The following GPC6 variants were observed in gnomAD, a reference collection of about 807,000 sequenced individuals.
GPC6 encodes the protein glypican-6.
In GPC6, 14 loss-of-function variants were observed where a neutral mutation model predicts 55.2. The ratio of observed to expected loss-of-function variants is 0.25; its 90% CI spans 0.17 to 0.40. The LOEUF is 0.40. GPC6 is among the 10% of genes least tolerant of loss of function. The probability of loss-of-function intolerance (pLI) is 1.00; values close to 1 mark genes in which losing one functional copy is unlikely to be tolerated. For missense variants in GPC6, 641 were observed against 708.5 expected (o/e 0.90, Z 1.08); for synonymous variants, 278 against 259.6 (o/e 1.07, Z -0.68).
intron 4 of GPC6, among the ~76,000 whole-genome samples, chr13:94,244,254 A>G (rs1891135586): frequency 6.6e-6 from 1 of 152,166 alleles, no homozygotes; most frequent in Admixed American, 6.6e-5. Context: ...TGGGGCCAGC[A>G]CGTAACTCCG....
intron 1 of GPC6, among the ~76,000 whole-genome samples, chr13:93,435,351 A>G (rs961427140): frequency 6.6e-6 from 1 of 152,016 alleles, no homozygotes; most frequent in Admixed American, 6.6e-5. Flanking sequence ...CCTGGCTTCA[A>G]GAGATCTTCC....
chr13:93,654,340 A>C (rs1243108448), intron 2 of GPC6, among the ~76,000 whole-genome samples: 1 of 151,078 alleles, frequency 6.6e-6, no homozygotes, highest in African/African-American at 2.4e-5. Context: ...TATTATTACT[A>C]TTTTTGAGAC....
intron 5 of GPC6, among the ~76,000 whole-genome samples, chr13:94,305,166 A>G (rs1221236154): frequency 6.6e-6 from 1 of 152,188 alleles, no homozygotes; most frequent in Non-Finnish European, 1.5e-5. Flanking sequence ...TATTGTAGTT[A>G]TGTTCTATAA....
chr13:93,676,168 T>TAC (rs757719039), intron 2 of GPC6, among the ~76,000 whole-genome samples: 82 of 39,312 alleles, frequency 2.1e-3, no homozygotes, highest in African/African-American at 6.6e-3. Context: ...TATATATATA[T>TAC]ACATACACAC....
chr13:93,472,606 C>T (rs1476706583), intron 1 of GPC6, among the ~76,000 whole-genome samples: 1 of 152,176 alleles, frequency 6.6e-6, no homozygotes, highest in East Asian at 1.9e-4. Flanking sequence ...CTGCAGGGCC[C>T]CAAAGAGGGA....
At chr13:94,160,423 C>A (rs1888117697) in intron 4 of GPC6, among the ~76,000 whole-genome samples, 1 of 152,182 alleles carries the variant, frequency 6.6e-6, no homozygotes, top group Non-Finnish European at 1.5e-5. Context: ...TTTACAAGCA[C>A]CAGGGCCAGC....
chr13:93,266,868 A>G (rs1877342128), intron 1 of GPC6, among the ~76,000 whole-genome samples: 2 of 152,194 alleles, frequency 1.3e-5, no homozygotes, highest in African/African-American at 4.8e-5. Flanking sequence ...GTAAAATGTG[A>G]TTTATTATTC....
At chr13:93,899,024 A>T (rs1488852990) in intron 3 of GPC6, among the ~76,000 whole-genome samples, 2 of 150,120 alleles carry the variant, frequency 1.3e-5, no homozygotes, top group African/African-American at 4.9e-5. Flanking sequence ...AATCTCCAAT[A>T]CCCATCTTCT....
At chr13:94,119,445 G>A (rs924963855) in intron 4 of GPC6, among the ~76,000 whole-genome samples, 4 of 151,930 alleles carry the variant, frequency 2.6e-5, no homozygotes, top group African/African-American at 9.7e-5. Context: ...ACTGAAGGCG[G>A]TGAAGGAGCA....
chr13:93,790,959 T>G (rs895817494), intron 2 of GPC6, among the ~76,000 whole-genome samples: 2 of 152,202 alleles, frequency 1.3e-5, no homozygotes, highest in Admixed American at 1.3e-4. Flanking sequence ...TAAAATACTT[T>G]AACTGAATCA....
At chr13:93,296,195 G>GAGTC (rs2139087442) in intron 1 of GPC6, among the ~76,000 whole-genome samples, 1 of 152,282 alleles carries the variant, frequency 6.6e-6, no homozygotes, top group South Asian at 2.1e-4. Flanking sequence ...AGGAGCCTGA[G>GAGTC]AGTCCTATTT....
chr13:93,341,148 T>G (rs562233110), intron 1 of GPC6, among the ~76,000 whole-genome samples: 1 of 152,338 alleles, frequency 6.6e-6, no homozygotes, highest in South Asian at 2.1e-4. Flanking sequence ...CTTTATCCAC[T>G]TGTTAGTTGA....
At chr13:93,393,125 T>TAGAGAGAG (rs1394640725) in intron 1 of GPC6, among the ~76,000 whole-genome samples, 9 of 96,746 alleles carry the variant, frequency 9.3e-5, no homozygotes, top group South Asian at 7.9e-4. Context: ...TATATATATA[T>TAGAGAGAG]ATAGAGAGAG....
At chr13:93,422,634 T>C (rs1876963767) in intron 1 of GPC6, among the ~76,000 whole-genome samples, 1 of 152,196 alleles carries the variant, frequency 6.6e-6, no homozygotes, top group African/African-American at 2.4e-5. Flanking sequence ...TGAGTGAATG[T>C]ATGCCAATAT....
At position 93,945,205 on chromosome 13, in the gene GPC6, A is replaced by G. The variant is rs543715721; in HGVS notation, c.712-82524A>G. Among the ~76,000 whole-genome samples, 14 of 152,360 alleles carry G rather than the reference A, an allele frequency of 9.2e-5. 1 individual carries two copies. The highest frequency in any genetic ancestry group is 3.1e-4 in the African/African-American group (13 of 41,584). ...ATAAATCTTACTGACCCAAAGGATT[A>G]TATAGTACACCTATGACTACTAATA... On this transcript the variant is annotated intron_variant, in intron 3 of 8. Transcript: ENST00000377047.
chr13:93,473,247 G>A (rs759010405), intron 1 of GPC6, among the ~76,000 whole-genome samples: 1 of 152,170 alleles, frequency 6.6e-6, no homozygotes, highest in Non-Finnish European at 1.5e-5. Flanking sequence ...TCACCAAGGG[G>A]CACCTATAGG....
chr13:93,646,156 T>C (rs1037978777), intron 2 of GPC6, among the ~76,000 whole-genome samples: 3 of 152,160 alleles, frequency 2.0e-5, no homozygotes, highest in Non-Finnish European at 4.4e-5. Flanking sequence ...ATGGAGTTTA[T>C]ATTATCTGCA....
intron 1 of GPC6, among the ~76,000 whole-genome samples, chr13:93,497,904 A>G (rs1424163032): frequency 2.0e-5 from 3 of 152,198 alleles, no homozygotes; most frequent in South Asian, 4.1e-4. Context: ...CTGCCTAAAG[A>G]AGGTGTATTG....
rs185281822 is a variant in GPC6, at chr13:93,459,806, A to G, written c.161-85457A>G. On this transcript the variant is annotated intron_variant, in intron 1 of 8. Coordinates refer to ENST00000377047, the MANE Select transcript of GPC6 (RefSeq NM_005708.5). The stretch of plus-strand genomic sequence containing the variant: ...CAAGCTTTAGCTTTATAATTTTAGA[A>G]TTAGTGCTACTGGATTTTAATAAGA... Among the ~76,000 whole-genome samples the G allele has an allele frequency of 8.5e-5, 13 of 152,296 alleles. No individual in the cohort carries two copies. The East Asian group carries it at 2.5e-3, about 29-fold the overall frequency.
Sources: allele counts gnomAD v4.1 joint callset (sites outside exome capture counted in the v4.1 genomes callset), GRCh38; gene constraint gnomAD v4.1.1; transcripts MANE v1.5; gene names NCBI Gene and HGNC (gene_info 2026-07-23, HGNC 2026-07-21).